Variants in FGFR2 observed in about 807,000 individuals in gnomAD.
The protein encoded by FGFR2 is BEK fibroblast growth factor receptor.
FGFR2 carries 19 observed loss-of-function variants against 95.9 expected under a neutral mutation model. The ratio of observed to expected loss-of-function variants is 0.20; its 90% CI spans 0.14 to 0.29. The LOEUF is 0.29. Ranked by LOEUF, FGFR2 falls within the 10% of genes least tolerant of loss-of-function variation. FGFR2 has a pLI of 1.00. For missense variants in FGFR2, 707 were observed against 1,056.9 expected (o/e 0.67, Z 4.59); for synonymous variants, 392 against 393.3 (o/e 1.00, Z 0.04).
intron 4 of FGFR2, among the ~76,000 whole-genome samples, chr10:121,559,548 G>T (rs1049817252): frequency 6.6e-6 from 1 of 152,164 alleles, no homozygotes; most frequent in Non-Finnish European, 1.5e-5. Flanking sequence ...GCTAAGAACC[G>T]CTATCACTTT....
intron 6 of FGFR2, among the ~76,000 whole-genome samples, chr10:121,526,517 G>T (rs1463488229): frequency 3.3e-5 from 5 of 152,184 alleles, no homozygotes; most frequent in Non-Finnish European, 7.4e-5. Context: ...TCTGAGTTTT[G>T]TTTTGTTTTC....
chr10:121,489,618 T>C (rs1845874382), intron 13 of FGFR2, among the ~76,000 whole-genome samples: 2 of 152,226 alleles, frequency 1.3e-5, no homozygotes, highest in South Asian at 2.1e-4. Flanking sequence ...CAACTGTCTA[T>C]GGGACACTTC....
chr10:121,544,004 T>C (rs1564959289), intron 5 of FGFR2, among the ~76,000 whole-genome samples: 1 of 152,170 alleles, frequency 6.6e-6, no homozygotes, highest in Non-Finnish European at 1.5e-5. Context: ...ACAAATGCCA[T>C]ATGGTCCTGC....
At chr10:121,512,201 G>A (rs141740757) in intron 9 of FGFR2, among the ~76,000 whole-genome samples, 35 of 152,336 alleles carry the variant, frequency 2.3e-4, no homozygotes, top group African/African-American at 8.2e-4. Flanking sequence ...TGGCATCCCT[G>A]TGGTATTTGC....
chr10:121,498,913 A>C (rs1268528523), intron 11 of FGFR2, among the ~76,000 whole-genome samples: 1 of 152,166 alleles, frequency 6.6e-6, no homozygotes, highest in Admixed American at 6.5e-5. Context: ...TGCCATATCT[A>C]AGGCGTCTCA....
Position 121,571,642 on chromosome 10 carries a change from AC to A in FGFR2, c.110-5939del, listed in dbSNP as rs1270344814. Among the ~76,000 whole-genome samples the A allele has an allele frequency of 2.9e-3, 418 of 143,398 alleles. 4 individuals are homozygous for A. Among genetic ancestry groups the A allele is most frequent in the African/African-American group, 8.2e-3 (324 of 39,402 alleles). The allele number at this position is 143,398 out of a possible 152,430, so 94.1% of individuals were successfully genotyped here. On this transcript the variant is annotated intron_variant, in intron 2 of 17. Transcript: ENST00000358487. ...TCTTTAAAAACAAACAAACAAACAAACAAACAAACAAAAACGACTGGCCGGG... is the reference window on the plus strand; with the variant it reads ...TCTTTAAAAACAAACAAACAAACAAAAAACAAACAAAAACGACTGGCCGGG...
intron 6 of FGFR2, among the ~76,000 whole-genome samples, chr10:121,525,429 T>TTC (rs148849123): frequency 6.6e-6 from 1 of 151,954 alleles, no homozygotes; most frequent in African/African-American, 2.4e-5. Context: ...TCTCCCAGCG[T>TTC]TCTCTCTCTC....
At chr10:121,529,078 C>G (rs114154133) in intron 6 of FGFR2, among the ~76,000 whole-genome samples, 2,470 of 152,070 alleles carry the variant, frequency 0.016, 69 homozygotes, top group African/African-American at 0.056. Context: ...AGGTGTGCAC[C>G]ATGACGCCTG....
chr10:121,544,941 G>A (rs188126106), intron 5 of FGFR2, among the ~76,000 whole-genome samples: 189 of 152,224 alleles, frequency 1.2e-3, no homozygotes, highest in Non-Finnish European at 2.2e-3. Context: ...TTACGTGTTC[G>A]AAGCCAGTCT....
intron 2 of FGFR2, among the ~76,000 whole-genome samples, chr10:121,584,945 C>A (rs1861599052): frequency 6.9e-6 from 1 of 144,806 alleles, no homozygotes; most frequent in Non-Finnish European, 1.5e-5. Flanking sequence ...ACCACCCCAA[C>A]CGATCCCATA....
Position 121,512,552 on chromosome 10 carries a change from G to GTT in FGFR2, c.1287+2563_1287+2564dup, listed in dbSNP as rs1554925531. Among the ~76,000 whole-genome samples the GTT allele has an allele frequency of 2.5e-3, 372 of 151,632 alleles. 2 individuals are homozygous for GTT. The highest frequency in any genetic ancestry group is 8.9e-3 in the African/African-American group (368 of 41,154). On this transcript the variant is annotated intron_variant, in intron 9 of 17. Transcript: ENST00000358487. ...CTTTTTTTTCCCACTTTGGGTTTTT[G>GTT]TTTTGTTTTGTTTTGTTTTGTTTTT...
chr10:121,478,904 C>T lies in FGFR2; in HGVS notation c.*953G>A. The T allele has an allele frequency of 4.3e-6, 1 of 233,552 alleles. No individual in the cohort carries two copies. The highest frequency in any genetic ancestry group is 5.6e-5 in the Admixed American group (1 of 17,794). The allele number at this position is 233,552 out of a possible 1,614,324, so 14.5% of individuals were successfully genotyped here. A position where few individuals can be genotyped will look rare whatever the true frequency, so the allele number is the denominator to read the frequency against. On this transcript the variant is annotated 3_prime_UTR_variant, in exon 18 of 18. Coordinates refer to ENST00000358487, the MANE Select transcript of FGFR2 (RefSeq NM_000141.5). Reference sequence around the variant, plus strand: ...GGCATCTTTTAAGAGGACGCTGGTACCATTTATCTTGGGAAGTCCAGTTAG... The same window carrying T: ...GGCATCTTTTAAGAGGACGCTGGTATCATTTATCTTGGGAAGTCCAGTTAG...
At chr10:121,490,154 CTTTTTTTTTTTTTTTT>C (rs55633189) in intron 13 of FGFR2, among the ~76,000 whole-genome samples, 3 of 80,018 alleles carry the variant, frequency 3.7e-5, no homozygotes, top group Non-Finnish European at 6.6e-5. Flanking sequence ...ACTTTTCCTT[CTTTTTTTTTTTTTTTT>C]TTTTTTTTTT....
intron 6 of FGFR2, chr10:121,530,554 G>A (rs77405297): frequency 0.22 from 32,994 of 152,156 alleles, 4,258 homozygotes; most frequent in Non-Finnish European, 0.27. Context: ...CCCAGGAGAC[G>A]GAGGTTGCAG....
At chr10:121,574,997 G>A (rs765809978) in intron 2 of FGFR2, among the ~76,000 whole-genome samples, 58 of 152,296 alleles carry the variant, frequency 3.8e-4, no homozygotes, top group Non-Finnish European at 2.6e-4. Context: ...CAAGGATGCC[G>A]GTAACAACAG....
chr10:121,572,158 G>GAAAAAAAAAAAAAAA (rs71022844), intron 2 of FGFR2, among the ~76,000 whole-genome samples: 1 of 105,848 alleles, frequency 9.4e-6, no homozygotes, highest in African/African-American at 3.7e-5. Flanking sequence ...CACAAAAAAT[G>GAAAAAAAAAAAAAAA]AAAAAAAAAA....
chr10:121,497,234 C>T (rs1846987341), intron 12 of FGFR2, among the ~76,000 whole-genome samples: 1 of 151,858 alleles, frequency 6.6e-6, no homozygotes, highest in African/African-American at 2.4e-5. Flanking sequence ...ATAAATAAGC[C>T]CTTGGTCATG....
At chr10:121,566,013 C>T (rs3135731) in intron 2 of FGFR2, 9 of 472,828 alleles carry the variant, frequency 1.9e-5, no homozygotes, top group Non-Finnish European at 3.5e-5. Context: ...ATTGCCAAAG[C>T]GTGCTTGCAC....
chr10:121,520,008 C>T lies in FGFR2; in HGVS notation c.910G>A (p.Asp304Asn), dbSNP rs370877537. ...AGAACCTTGAGGTAGGGCAGCCCGT[C>T]GGGCCCGTATTTACTGCCGTTCTTT... ...VEKNGSKYGP[D>N]GLPYLKVLKA... Residue 304 changes from aspartate to asparagine, a missense_variant, in exon 7 of 18, where the codon GAC becomes AAC. Asp to Asn is a conservative substitution (Grantham distance 23, BLOSUM62 1). Coordinates refer to ENST00000358487, the MANE Select transcript of FGFR2 (RefSeq NM_000141.5). The T allele has an allele frequency of 2.1e-5, 34 of 1,614,198 alleles. No homozygotes were observed. The highest frequency in any genetic ancestry group is 2.7e-5 in the Non-Finnish European group (32 of 1,180,020).
Sources: gnomAD v4.1 joint callset for allele counts (sites outside exome capture counted in the v4.1 genomes callset) on GRCh38, gnomAD v4.1.1 for gene constraint, MANE v1.5 for transcripts, NCBI Gene and HGNC (gene_info 2026-07-23, HGNC 2026-07-21) for gene names.